The following RBMS3 variants were observed in gnomAD, a reference collection of about 807,000 sequenced individuals.
RBMS3 encodes RNA-binding motif, single-stranded-interacting protein 3.
In RBMS3, 27 loss-of-function variants were observed where a neutral mutation model predicts 66.8. The ratio of observed to expected loss-of-function variants is 0.40; its 90% CI spans 0.30 to 0.56. The LOEUF (loss-of-function observed/expected upper bound fraction) is 0.56, where lower values mean the gene tolerates loss of function less well. Ranked by LOEUF, RBMS3 falls within the 20% of genes least tolerant of loss-of-function variation. The probability of loss-of-function intolerance (pLI) is 0.40; values close to 1 mark genes in which losing one functional copy is unlikely to be tolerated. For missense variants in RBMS3, 513 were observed against 549.5 expected (o/e 0.93, Z 0.66); for synonymous variants, 188 against 183.0 (o/e 1.03, Z -0.22).
chr3:29,453,370 ATTG>A (rs1162424465), intron 2 of RBMS3, among the ~76,000 whole-genome samples: 3 of 152,132 alleles, frequency 2.0e-5, no homozygotes. Flanking sequence ...CCTGGTGAAA[ATTG>A]TTGAACTGCA....
At chr3:29,376,495 G>A (rs1420205317) in intron 1 of RBMS3, among the ~76,000 whole-genome samples, 1 of 152,226 alleles carries the variant, frequency 6.6e-6, no homozygotes, top group Non-Finnish European at 1.5e-5. Context: ...TGTGGGCCGG[G>A]TGCGGTGGTT....
intron 1 of RBMS3, among the ~76,000 whole-genome samples, chr3:29,384,588 T>C (rs57608771): frequency 0.013 from 1,932 of 152,330 alleles, 38 homozygotes; most frequent in African/African-American, 0.044. Flanking sequence ...AAACTACCTG[T>C]GTCGTAAAAC....
At chr3:29,305,153 A>G (rs1476262279) in intron 1 of RBMS3, among the ~76,000 whole-genome samples, 1 of 151,806 alleles carries the variant, frequency 6.6e-6, no homozygotes, top group Non-Finnish European at 1.5e-5. Context: ...GCCCAATCTT[A>G]ACATAGATGA....
At chr3:29,950,934 A>G (rs1022253735) in intron 12 of RBMS3, among the ~76,000 whole-genome samples, 20 of 151,984 alleles carry the variant, frequency 1.3e-4, no homozygotes, top group Non-Finnish European at 2.8e-4. Flanking sequence ...TTTTTAACTA[A>G]CAATGTAAAA....
chr3:29,698,855 A>G (rs935811862), intron 4 of RBMS3, among the ~76,000 whole-genome samples: 1 of 152,174 alleles, frequency 6.6e-6, no homozygotes, highest in African/African-American at 2.4e-5. Context: ...CATATTAAAG[A>G]CTATTATAAA....
At chr3:29,645,884 A>T (rs2049902356) in intron 4 of RBMS3, among the ~76,000 whole-genome samples, 1 of 152,234 alleles carries the variant, frequency 6.6e-6, no homozygotes, top group African/African-American at 2.4e-5. Context: ...TCACCCACCC[A>T]TATAGATAGC....
chr3:29,922,261 G>T (rs2060802833), intron 10 of RBMS3, among the ~76,000 whole-genome samples: 1 of 151,992 alleles, frequency 6.6e-6, no homozygotes, highest in South Asian at 2.1e-4. Flanking sequence ...GCCGAGGCGG[G>T]TGGATCATGA....
At chr3:29,452,536 A>G (rs552714070) in intron 2 of RBMS3, among the ~76,000 whole-genome samples, 29 of 152,340 alleles carry the variant, frequency 1.9e-4, no homozygotes, top group Non-Finnish European at 3.4e-4. Context: ...CATTATTCTG[A>G]CACCTAGAAT....
At chr3:29,975,374 A>G (rs1323423708) in intron 12 of RBMS3, among the ~76,000 whole-genome samples, 5 of 151,674 alleles carry the variant, frequency 3.3e-5, no homozygotes, top group African/African-American at 9.7e-5. Flanking sequence ...AACTCCCACT[A>G]GCAGTATATA....
chr3:29,951,625 G>T (rs960435305), intron 12 of RBMS3, among the ~76,000 whole-genome samples: 1 of 151,716 alleles, frequency 6.6e-6, no homozygotes, highest in Non-Finnish European at 1.5e-5. Context: ...ATTCAGGAAA[G>T]TGTGTTAGGA....
chr3:29,281,697 G>A lies in RBMS3; in HGVS notation c.16G>A (p.Asp6Asn), dbSNP rs2031796547. Residue 6 changes from aspartate (D) to asparagine (N), a missense_variant, in exon 1 of 15, where the codon GAT becomes AAT. Coordinates refer to ENST00000383767, the MANE Select transcript of RBMS3 (RefSeq NM_001003793.3). ...TTCCAGCTACATGGGCAAACGCCTG[G>A]ATCAGCCACAAATGTACCCCCAGTA... MGKRL[D>N]QPQMYPQYTY... 1 of 1,613,346 alleles carries A rather than the reference G, an allele frequency of 6.2e-7. No homozygotes were observed. Among genetic ancestry groups the A allele is most frequent in the Non-Finnish European group, 8.5e-7 (1 of 1,179,686 alleles).
chr3:29,748,029 T>A (rs1438791300), intron 5 of RBMS3, among the ~76,000 whole-genome samples: 1 of 152,082 alleles, frequency 6.6e-6, no homozygotes, highest in Non-Finnish European at 1.5e-5. Flanking sequence ...ATGAAAATAT[T>A]ACAAAAACAC....
At chr3:29,502,225 G>A (rs1432473490) in intron 3 of RBMS3, among the ~76,000 whole-genome samples, 1 of 151,964 alleles carries the variant, frequency 6.6e-6, no homozygotes, top group Non-Finnish European at 1.5e-5. Context: ...ATTGTTGAAT[G>A]GACATCAAGT....
At chr3:29,302,321 TTA>T (rs369814569) in intron 1 of RBMS3, among the ~76,000 whole-genome samples, 1 of 151,982 alleles carries the variant, frequency 6.6e-6, no homozygotes, top group African/African-American at 2.4e-5. Context: ...CTGTTGAAAT[TTA>T]TCACTGGTGG....
At chr3:29,326,801 C>T (rs1463291555) in intron 1 of RBMS3, among the ~76,000 whole-genome samples, 1 of 151,376 alleles carries the variant, frequency 6.6e-6, no homozygotes, top group African/African-American at 2.4e-5. Context: ...CGCAATCTCA[C>T]CTCACTGCAA....
At chr3:29,397,601 A>G (rs1423725950) in intron 1 of RBMS3, among the ~76,000 whole-genome samples, 3 of 152,094 alleles carry the variant, frequency 2.0e-5, no homozygotes, top group African/African-American at 7.2e-5. Context: ...TAAGACAGCC[A>G]TGTCCCAAAA....
chr3:29,402,151 G>T (rs1392344530), intron 1 of RBMS3, among the ~76,000 whole-genome samples: 1 of 152,002 alleles, frequency 6.6e-6, no homozygotes, highest in Non-Finnish European at 1.5e-5. Flanking sequence ...ATATATTGAA[G>T]ACTAGGCTTG....
chr3:29,375,057 A>G (rs1273691149), intron 1 of RBMS3, among the ~76,000 whole-genome samples: 1 of 152,232 alleles, frequency 6.6e-6, no homozygotes, highest in African/African-American at 2.4e-5. Context: ...CTGAGTCTGC[A>G]CACCTACAAC....
chr3:29,997,722 T>A (rs993318331), intron 14 of RBMS3, among the ~76,000 whole-genome samples: 7 of 152,008 alleles, frequency 4.6e-5, no homozygotes, highest in Admixed American at 4.6e-4. Flanking sequence ...TCAACAACCC[T>A]TCATGCTAAA....
Sources: gnomAD v4.1 joint callset for allele counts (sites outside exome capture counted in the v4.1 genomes callset) on GRCh38, gnomAD v4.1.1 for gene constraint, MANE v1.5 for transcripts, NCBI Gene and HGNC (gene_info 2026-07-23, HGNC 2026-07-21) for gene names.